NKAIN3: variants seen among roughly 807,000 people sequenced by gnomAD.
NKAIN3 encodes sodium/potassium transporting ATPase interacting 3, also known as sodium/potassium-transporting ATPase subunit beta-1-interacting protein 3.
A neutral mutation model predicts 30.2 loss-of-function variants in NKAIN3; 25 were observed. The observed-to-expected ratio is 0.83, with a 90% CI of 0.60 to 1.16. The LOEUF (loss-of-function observed/expected upper bound fraction) is 1.16. Among genes scored for constraint, NKAIN3 ranks in the 50% most tolerant of loss-of-function variants. NKAIN3 has a pLI of 0.00. For missense variants in NKAIN3, 225 were observed against 254.1 expected (o/e 0.89, Z 0.78); for synonymous variants, 91 against 89.6 (o/e 1.02, Z -0.09).
chr8:62,606,580 C>A (rs2130168793), intron 3 of NKAIN3, among the ~76,000 whole-genome samples: 1 of 152,080 alleles, frequency 6.6e-6, no homozygotes, highest in East Asian at 1.9e-4. Flanking sequence ...TTATTTTAGC[C>A]ACAGAAATTC....
chr8:62,407,432 C>CATT (rs34857303), intron 1 of NKAIN3, among the ~76,000 whole-genome samples: 7 of 138,232 alleles, frequency 5.1e-5, no homozygotes, highest in East Asian at 2.1e-4. Context: ...GACGGAGTCT[C>CATT]GTGTCACCGG....
chr8:62,598,616 G>A (rs73683337), intron 3 of NKAIN3, among the ~76,000 whole-genome samples: 7,782 of 152,040 alleles, frequency 0.051, 698 homozygotes, highest in African/African-American at 0.18. Flanking sequence ...GCATTCCCGC[G>A]GGTTCTGTCT....
At chr8:62,631,865 T>C (rs1166331727) in intron 3 of NKAIN3, among the ~76,000 whole-genome samples, 1 of 152,200 alleles carries the variant, frequency 6.6e-6, no homozygotes, top group Admixed American at 6.5e-5. Context: ...CGTTTGAAAG[T>C]CTCTTTGACT....
chr8:62,691,358 G>A (rs1287591783), intron 3 of NKAIN3, among the ~76,000 whole-genome samples: 1 of 152,030 alleles, frequency 6.6e-6, no homozygotes, highest in Non-Finnish European at 1.5e-5. Flanking sequence ...TCCTGACGCT[G>A]TTCCAACTGT....
At chr8:62,863,939 C>T in intron 4 of NKAIN3, 1 of 1,016,058 alleles carries the variant, frequency 9.8e-7, no homozygotes, top group Admixed American at 1.7e-5. Context: ...GTGGGGTCTG[C>T]CAAAGGTGGC....
intron 1 of NKAIN3, among the ~76,000 whole-genome samples, chr8:62,327,725 C>T (rs1815191704): frequency 6.6e-6 from 1 of 151,954 alleles, no homozygotes; most frequent in African/African-American, 2.4e-5. Flanking sequence ...AAATGTACAT[C>T]CTCTAGCTTT....
intron 4 of NKAIN3, among the ~76,000 whole-genome samples, chr8:62,836,629 G>A (rs1007598717): frequency 1.3e-5 from 2 of 152,138 alleles, no homozygotes; most frequent in Non-Finnish European, 2.9e-5. Context: ...GAATTACATG[G>A]TTTTTCTGAT....
intron 3 of NKAIN3, among the ~76,000 whole-genome samples, chr8:62,636,232 G>A (rs1424378570): frequency 6.6e-6 from 1 of 152,142 alleles, no homozygotes; most frequent in Non-Finnish European, 1.5e-5. Context: ...TTCACAGTCT[G>A]TGATGCAGCA....
rs1389693561 is a variant in NKAIN3, at chr8:62,968,090, T to C, written c.*2683T>C. On this transcript the variant is annotated 3_prime_UTR_variant, in exon 7 of 7. Coordinates refer to ENST00000623646, the MANE Select transcript of NKAIN3 (RefSeq NM_001304533.3). Reference sequence around the variant, plus strand: ...CTCCAACCTCAGCAATCCATAAAGATTGTCCTAACATTCTGGATATTTGCC... The same window carrying C: ...CTCCAACCTCAGCAATCCATAAAGACTGTCCTAACATTCTGGATATTTGCC... 6.6e-6 allele frequency among the ~76,000 whole-genome samples: 1 copy of C among 152,192 alleles called. No homozygotes were observed. The highest frequency in any genetic ancestry group is 1.5e-5 in the Non-Finnish European group (1 of 68,032).
At chr8:62,365,165 T>C (rs1816698827) in intron 1 of NKAIN3, among the ~76,000 whole-genome samples, 2 of 152,170 alleles carry the variant, frequency 1.3e-5, no homozygotes, top group South Asian at 4.1e-4. Flanking sequence ...TCAAAAGATT[T>C]TGTCTCATAA....
At chr8:62,572,070 T>C (rs544262756) in intron 1 of NKAIN3, among the ~76,000 whole-genome samples, 2 of 152,290 alleles carry the variant, frequency 1.3e-5, no homozygotes, top group East Asian at 3.9e-4. Context: ...GATTTTCTTT[T>C]CTATTGCCTC....
chr8:62,504,979 T>A (rs1204114945), intron 1 of NKAIN3, among the ~76,000 whole-genome samples: 4 of 152,210 alleles, frequency 2.6e-5, no homozygotes, highest in Non-Finnish European at 5.9e-5. Flanking sequence ...CTATAACACT[T>A]ACTTGAATCT....
At chr8:62,426,723 AG>A (rs1804819215) in intron 1 of NKAIN3, among the ~76,000 whole-genome samples, 1 of 151,996 alleles carries the variant, frequency 6.6e-6, no homozygotes, top group Non-Finnish European at 1.5e-5. Flanking sequence ...GTGAATATAT[AG>A]TGGAGACATT....
At chr8:62,516,718 G>A (rs1808004159) in intron 1 of NKAIN3, among the ~76,000 whole-genome samples, 1 of 151,890 alleles carries the variant, frequency 6.6e-6, no homozygotes, top group Admixed American at 6.6e-5. Flanking sequence ...TGGATTCTTG[G>A]CTAAGTTATT....
At chr8:62,895,259 T>C (rs182972969) in intron 4 of NKAIN3, among the ~76,000 whole-genome samples, 15 of 152,328 alleles carry the variant, frequency 9.8e-5, no homozygotes, top group African/African-American at 3.6e-4. Flanking sequence ...TAGATTTCAG[T>C]GGTACCAAAA....
At position 62,809,167 on chromosome 8, in the gene NKAIN3, C is replaced by T. The variant is rs191652953; in HGVS notation, c.471+62038C>T. The stretch of plus-strand genomic sequence containing the variant: ...GTTATCTCCCTTGTTCCCTGAACAT[C>T]GCTGTTATCCTGTTCCTTTTTCAAG... On this transcript the variant is annotated intron_variant, in intron 4 of 6. Coordinates refer to ENST00000623646, the MANE Select transcript of NKAIN3 (RefSeq NM_001304533.3). 1.5e-4 allele frequency among the ~76,000 whole-genome samples: 23 copies of T among 152,300 alleles called. No homozygotes were observed. In the South Asian group the frequency reaches 1.9e-3, roughly 12 times the overall value.
At chr8:62,466,404 A>G (rs1354959791) in intron 1 of NKAIN3, among the ~76,000 whole-genome samples, 1 of 152,142 alleles carries the variant, frequency 6.6e-6, no homozygotes, top group African/African-American at 2.4e-5. Flanking sequence ...AGATAGTAAT[A>G]TGTAGATACT....
intron 1 of NKAIN3, among the ~76,000 whole-genome samples, chr8:62,310,861 A>G (rs1380388892): frequency 1.3e-5 from 2 of 150,334 alleles, no homozygotes; most frequent in Non-Finnish European, 2.9e-5. Flanking sequence ...GTGGGTGGAC[A>G]AGGATGACAC....
chr8:62,351,359 A>G (rs1050224067), intron 1 of NKAIN3, among the ~76,000 whole-genome samples: 2 of 150,016 alleles, frequency 1.3e-5, no homozygotes, highest in Admixed American at 1.3e-4. Context: ...TGTTACATAT[A>G]TTTGTATTTG....
Sources: gnomAD v4.1 joint callset for allele counts (sites outside exome capture counted in the v4.1 genomes callset) on GRCh38, gnomAD v4.1.1 for gene constraint, MANE v1.5 for transcripts, NCBI Gene and HGNC (gene_info 2026-07-23, HGNC 2026-07-21) for gene names.